The following ROBO1 variants were observed in gnomAD, a reference collection of about 807,000 sequenced individuals.
ROBO1 encodes the protein roundabout guidance receptor 1.
In ROBO1, 149 loss-of-function variants were observed where a neutral mutation model predicts 195.9. That is an observed-to-expected ratio of 0.76 (90% CI 0.67 to 0.87). The LOEUF (loss-of-function observed/expected upper bound fraction) is 0.87, where lower values mean the gene tolerates loss of function less well. Ranked by LOEUF, ROBO1 falls within the 40% of genes least tolerant of loss-of-function variation. The probability of loss-of-function intolerance (pLI) is 0.00; values close to 1 mark genes in which losing one functional copy is unlikely to be tolerated. For synonymous variants in ROBO1, 816 were observed against 733.2 expected (o/e 1.11, Z -1.82); for missense variants, 1,933 against 2,068.3 (o/e 0.93, Z 1.27).
intron 1 of ROBO1, among the ~76,000 whole-genome samples, chr3:79,621,396 TCACA>T (rs969399150): frequency 1.3e-5 from 2 of 152,166 alleles, no homozygotes; most frequent in African/African-American, 4.8e-5. Context: ...GCTTTATTGC[TCACA>T]CAAAGCCTGT....
intron 2 of ROBO1, among the ~76,000 whole-genome samples, chr3:79,402,468 A>G (rs1358359291): frequency 6.6e-6 from 1 of 151,978 alleles, no homozygotes; most frequent in East Asian, 1.9e-4. Flanking sequence ...TGCAATAAAT[A>G]AAGAGGCATT....
intron 2 of ROBO1, among the ~76,000 whole-genome samples, chr3:79,438,072 A>G (rs994021145): frequency 6.6e-6 from 1 of 151,868 alleles, no homozygotes; most frequent in Non-Finnish European, 1.5e-5. Context: ...AGAAATTGGG[A>G]TATCTATTTA....
At chr3:79,156,943 G>A (rs1406310684) in intron 2 of ROBO1, among the ~76,000 whole-genome samples, 1 of 151,732 alleles carries the variant, frequency 6.6e-6, no homozygotes, top group Non-Finnish European at 1.5e-5. Flanking sequence ...TCTAGTTATG[G>A]ATTCTTTCAG....
chr3:79,631,484 C>T (rs1215587390), intron 1 of ROBO1, among the ~76,000 whole-genome samples: 1 of 151,872 alleles, frequency 6.6e-6, no homozygotes, highest in Non-Finnish European at 1.5e-5. Context: ...GAAAAAATAA[C>T]TTGAGATGGA....
chr3:79,085,252 A>C (rs951242076), intron 3 of ROBO1, among the ~76,000 whole-genome samples: 3 of 152,202 alleles, frequency 2.0e-5, no homozygotes, highest in African/African-American at 7.2e-5. Flanking sequence ...GCTTAGAATT[A>C]AACAATTTCT....
At position 79,320,328 on chromosome 3, in the gene ROBO1, G is replaced by A. The variant is rs1199858640; in HGVS notation, c.89-194789C>T. ...GAACTCATCGCTTCCCAAAGGCCCC[G>A]TGATCTTTTCGTTTGTTTGTTTCAG... On this transcript the variant is annotated intron_variant, in intron 2 of 30. Coordinates refer to ENST00000464233, the MANE Select transcript of ROBO1 (RefSeq NM_002941.4). Among the ~76,000 whole-genome samples the A allele has an allele frequency of 2.6e-5, 4 of 152,166 alleles. No homozygotes were observed. The South Asian group carries it at 6.2e-4, about 24-fold the overall frequency.
intron 1 of ROBO1, among the ~76,000 whole-genome samples, chr3:79,731,973 A>G (rs754966768): frequency 1.7e-4 from 26 of 152,124 alleles, no homozygotes; most frequent in Non-Finnish European, 3.1e-4. Context: ...GAATTGAGTT[A>G]TTATGTGATT....
At chr3:79,734,967 G>C (rs979270036) in intron 1 of ROBO1, among the ~76,000 whole-genome samples, 7 of 152,198 alleles carry the variant, frequency 4.6e-5, no homozygotes, top group African/African-American at 1.7e-4. Flanking sequence ...ACGTAGCAAA[G>C]TTTGAGAGCC....
chr3:79,618,497 T>G (rs925543403), intron 1 of ROBO1, among the ~76,000 whole-genome samples: 2 of 152,080 alleles, frequency 1.3e-5, no homozygotes, highest in African/African-American at 4.8e-5. Context: ...ACAATGAGTG[T>G]CAGAAGCTCC....
intron 1 of ROBO1, among the ~76,000 whole-genome samples, chr3:79,601,240 T>C (rs1944330371): frequency 6.6e-6 from 1 of 151,922 alleles, no homozygotes; most frequent in South Asian, 2.1e-4. Context: ...AAGGAAAGAA[T>C]CTTTATGTCT....
chr3:79,415,341 T>C (rs1156586084), intron 2 of ROBO1, among the ~76,000 whole-genome samples: 3 of 152,122 alleles, frequency 2.0e-5, no homozygotes, highest in Non-Finnish European at 4.4e-5. Flanking sequence ...AAATTGCATC[T>C]GTAATAAAGT....
chr3:78,903,126 A>T (rs1233543147), intron 4 of ROBO1, among the ~76,000 whole-genome samples: 1 of 152,172 alleles, frequency 6.6e-6, no homozygotes, highest in Non-Finnish European at 1.5e-5. Context: ...TTCTCTTCAA[A>T]TATTTACAAA....
At chr3:79,463,329 C>T (rs1487168155) in intron 2 of ROBO1, among the ~76,000 whole-genome samples, 2 of 151,236 alleles carry the variant, frequency 1.3e-5, no homozygotes, top group East Asian at 1.9e-4. Context: ...GAGCTGAGGT[C>T]GCGCCACTGC....
chr3:78,961,719 C>T (rs2041355748), intron 3 of ROBO1, among the ~76,000 whole-genome samples: 1 of 152,158 alleles, frequency 6.6e-6, no homozygotes, highest in African/African-American at 2.4e-5. Flanking sequence ...CAGTGAACCA[C>T]TAAACTATAA....
Position 79,135,640 on chromosome 3 carries a change from CT to C in ROBO1, c.89-10102del, listed in dbSNP as rs200088816. 7.8e-3 allele frequency among the ~76,000 whole-genome samples: 1,112 copies of C among 143,462 alleles called. 9 individuals are homozygous for C. The highest frequency in any genetic ancestry group is 0.02 in the African/African-American group (800 of 39,392). 94.1% of individuals were successfully genotyped at this position (143,462 alleles called of 152,430 possible). On this transcript the variant is annotated intron_variant, in intron 2 of 30. Coordinates refer to ENST00000464233, the MANE Select transcript of ROBO1 (RefSeq NM_002941.4). ...ATAACATTAGCAATCATTCAATCTT[CT>C]TTTTTTTTTTTTTGAGACGGAGTTT...
chr3:79,406,823 G>GT (rs556806712), intron 2 of ROBO1, among the ~76,000 whole-genome samples: 301 of 151,788 alleles, frequency 2.0e-3, no homozygotes, highest in Non-Finnish European at 2.8e-3. Flanking sequence ...ATAATTCTTT[G>GT]TTTTTTTTCC....
intron 19 of ROBO1, among the ~76,000 whole-genome samples, chr3:78,648,707 T>C (rs948948130): frequency 1.3e-5 from 2 of 151,556 alleles, no homozygotes; most frequent in African/African-American, 2.4e-5. Flanking sequence ...CAAGGAAATA[T>C]ATGTTATTCC....
intron 1 of ROBO1, among the ~76,000 whole-genome samples, chr3:79,703,282 T>G (rs547512006): frequency 6.6e-6 from 1 of 151,870 alleles, no homozygotes; most frequent in East Asian, 1.9e-4. Flanking sequence ...ACAGAATACA[T>G]CCTTCTTTTC....
chr3:78,966,802 A>G (rs1322157222), intron 3 of ROBO1, among the ~76,000 whole-genome samples: 1 of 152,218 alleles, frequency 6.6e-6, no homozygotes, highest in Non-Finnish European at 1.5e-5. Flanking sequence ...GACAAATGCT[A>G]CACTTCATCA....
Sources: gnomAD v4.1 joint callset for allele counts (sites outside exome capture counted in the v4.1 genomes callset) on GRCh38, gnomAD v4.1.1 for gene constraint, MANE v1.5 for transcripts, NCBI Gene and HGNC (gene_info 2026-07-23, HGNC 2026-07-21) for gene names.